The following GTF2A1L variants were observed in gnomAD, a reference collection of about 807,000 sequenced individuals.
GTF2A1L encodes the protein general transcription factor IIA subunit 1 like.
Under a neutral mutation model 49.7 loss-of-function variants are expected in GTF2A1L, and 48 were observed. That is an observed-to-expected ratio of 0.97 (90% CI 0.77 to 1.23). The LOEUF (loss-of-function observed/expected upper bound fraction) is 1.23. Ranked by LOEUF, GTF2A1L falls within the 50% of genes most tolerant of loss-of-function variation. GTF2A1L has a pLI of 0.00. For synonymous variants in GTF2A1L, 246 were observed against 193.5 expected (o/e 1.27, Z -2.25); for missense variants, 736 against 564.8 (o/e 1.30, Z -3.07).
rs1322827136 is a variant in GTF2A1L, at chr2:48,617,859, T to G, written c.-16T>G. The stretch of plus-strand genomic sequence containing the variant: ...TGCCGCGCAGGCGCAAAGGGCCAGG[T>G]GCTGGAGGTGCTGTCATGGCCTGCC... On this transcript the variant is annotated 5_prime_UTR_variant, in exon 1 of 9. Coordinates refer to ENST00000403751, the MANE Select transcript of GTF2A1L (RefSeq NM_006872.5). The G allele has an allele frequency of 3.2e-6, 5 of 1,551,706 alleles. No homozygotes were observed. In the South Asian group the frequency reaches 4.8e-5, roughly 15 times the overall value.
intron 6 of GTF2A1L, among the ~76,000 whole-genome samples, chr2:48,648,032 A>T (rs954306693): frequency 1.4e-4 from 22 of 152,074 alleles, no homozygotes; most frequent in African/African-American, 5.3e-4. Context: ...TATCTTCATG[A>T]TATTTAAATT....
intron 3 of GTF2A1L, among the ~76,000 whole-genome samples, chr2:48,635,083 G>C (rs757522269): frequency 6.6e-6 from 1 of 152,188 alleles, no homozygotes; most frequent in Non-Finnish European, 1.5e-5. Context: ...GAGTGCTCCA[G>C]ATATCTGGAG....
chr2:48,653,071 T>C (rs1677954463), intron 6 of GTF2A1L, among the ~76,000 whole-genome samples: 1 of 151,200 alleles, frequency 6.6e-6, no homozygotes, highest in Non-Finnish European at 1.5e-5. Context: ...CTACTAAAAA[T>C]ACAAAAAATT....
chr2:48,631,870 T>G (rs1415240382), intron 3 of GTF2A1L, among the ~76,000 whole-genome samples: 1 of 152,214 alleles, frequency 6.6e-6, no homozygotes, highest in African/African-American at 2.4e-5. Flanking sequence ...GTGTTTTCAT[T>G]TATTTCAAAT....
At chr2:48,661,775 C>T (rs1678514816) in intron 6 of GTF2A1L, among the ~76,000 whole-genome samples, 4 of 152,130 alleles carry the variant, frequency 2.6e-5, no homozygotes, top group Admixed American at 2.0e-4. Flanking sequence ...CATCTTTTCC[C>T]TTCCAACCTA....
intron 6 of GTF2A1L, among the ~76,000 whole-genome samples, chr2:48,665,148 T>C (rs1558763266): frequency 2.0e-5 from 3 of 152,022 alleles, no homozygotes; most frequent in Non-Finnish European, 4.4e-5. Flanking sequence ...TCTCCAACTC[T>C]TGGCCTCAAG....
intron 7 of GTF2A1L, among the ~76,000 whole-genome samples, chr2:48,670,229 A>G (rs751114893): frequency 4.6e-5 from 7 of 151,814 alleles, no homozygotes; most frequent in Non-Finnish European, 8.8e-5. Context: ...CCCTGTCTTT[A>G]CTAATAAAAC....
chr2:48,625,516 G>A (rs1572697265), intron 3 of GTF2A1L, among the ~76,000 whole-genome samples: 2 of 143,986 alleles, frequency 1.4e-5, no homozygotes, highest in East Asian at 3.9e-4. Context: ...GTTGGCTGCT[G>A]TTTTATTTTG....
chr2:48,620,012 T>C (rs1675890787), intron 1 of GTF2A1L, among the ~76,000 whole-genome samples: 1 of 152,226 alleles, frequency 6.6e-6, no homozygotes, highest in Non-Finnish European at 1.5e-5. Flanking sequence ...TTTTGGACTT[T>C]GTGTATTTTG....
At chr2:48,624,475 GATA>G (rs1676193773) in intron 3 of GTF2A1L, among the ~76,000 whole-genome samples, 1 of 143,736 alleles carries the variant, frequency 7.0e-6, no homozygotes, top group Non-Finnish European at 1.6e-5. Flanking sequence ...TAGATAGATA[GATA>G]GATAGATAGT....
At chr2:48,672,642 T>C (rs1679233028) in intron 8 of GTF2A1L, among the ~76,000 whole-genome samples, 1 of 152,192 alleles carries the variant, frequency 6.6e-6, no homozygotes, top group Non-Finnish European at 1.5e-5. Context: ...CTAGAGATTA[T>C]GTTAGTAGCA....
intron 3 of GTF2A1L, among the ~76,000 whole-genome samples, chr2:48,635,022 A>C (rs914561854): frequency 6.6e-6 from 1 of 152,188 alleles, no homozygotes; most frequent in East Asian, 1.9e-4. Flanking sequence ...CTTGGCCCCA[A>C]GTTCTCTGCA....
intron 3 of GTF2A1L, chr2:48,632,497 C>G (rs1676636680): frequency 6.6e-6 from 1 of 152,430 alleles, no homozygotes; most frequent in African/African-American, 2.4e-5. Context: ...ATTCTCCTGC[C>G]TCAGCCTCCT....
intron 6 of GTF2A1L, among the ~76,000 whole-genome samples, chr2:48,654,334 T>C (rs1278734058): frequency 1.3e-5 from 2 of 152,184 alleles, no homozygotes; most frequent in East Asian, 3.8e-4. Flanking sequence ...ATAGTTATAG[T>C]TTTGTCATTT....
In GTF2A1L at chr2:48,676,858, A is replaced by G. The variant is rs1248519247; in HGVS notation, c.1330-2477A>G. Among the ~76,000 whole-genome samples, 4 of 151,474 alleles carry G rather than the reference A, an allele frequency of 2.6e-5. No homozygotes were observed. In the East Asian group the frequency reaches 7.7e-4, roughly 29 times the overall value. The stretch of plus-strand genomic sequence containing the variant: ...CATCTATATCTATATCTATATCTAT[A>G]TACTCAAGTCTTGATTCATTTGGTG... On this transcript the variant is annotated intron_variant, in intron 8 of 8. Coordinates refer to ENST00000403751, the MANE Select transcript of GTF2A1L (RefSeq NM_006872.5).
At chr2:48,663,990 G>A (rs1048726240) in intron 6 of GTF2A1L, among the ~76,000 whole-genome samples, 1 of 152,134 alleles carries the variant, frequency 6.6e-6, no homozygotes, top group Non-Finnish European at 1.5e-5. Context: ...TTTGTAAATT[G>A]ACCTAATATC....
intron 8 of GTF2A1L, among the ~76,000 whole-genome samples, chr2:48,672,601 A>C (rs1019830695): frequency 6.6e-6 from 1 of 152,192 alleles, no homozygotes; most frequent in African/African-American, 2.4e-5. Context: ...GGACTTGGTC[A>C]TTAGTTGAAG....
At chr2:48,661,485 C>G (rs570015787) in intron 6 of GTF2A1L, among the ~76,000 whole-genome samples, 1 of 151,920 alleles carries the variant, frequency 6.6e-6, no homozygotes, top group African/African-American at 2.4e-5. Flanking sequence ...AACTCCTGAC[C>G]TCAAGTAATC....
chr2:48,632,992 C>T (rs77342574), intron 3 of GTF2A1L: 3,291 of 217,484 alleles, frequency 0.015, 128 homozygotes, highest in African/African-American at 0.074. Context: ...GTAAGATGTG[C>T]TTGGTTTGTT....
Sources: gnomAD v4.1 joint callset for allele counts (sites outside exome capture counted in the v4.1 genomes callset) on GRCh38, gnomAD v4.1.1 for gene constraint, MANE v1.5 for transcripts, NCBI Gene and HGNC (gene_info 2026-07-23, HGNC 2026-07-21) for gene names.